RFX6: variants seen among roughly 807,000 people sequenced by gnomAD.
The protein encoded by RFX6 is DNA-binding protein RFX6.
A neutral mutation model predicts 110.8 loss-of-function variants in RFX6; 50 were observed. The ratio of observed to expected loss-of-function variants is 0.45; its 90% CI spans 0.36 to 0.57. RFX6 has a LOEUF of 0.57. RFX6 is among the 20% of genes least tolerant of loss of function. The pLI is 0.00. For missense variants in RFX6, 990 were observed against 1,127.0 expected (o/e 0.88, Z 1.74); for synonymous variants, 383 against 411.2 (o/e 0.93, Z 0.83).
intron 7 of RFX6, among the ~76,000 whole-genome samples, chr6:116,911,618 G>T (rs950681925): frequency 6.6e-6 from 1 of 152,110 alleles, no homozygotes; most frequent in Middle Eastern, 3.2e-3. Context: ...ATGTAATAGC[G>T]TGTAAACTAT....
chr6:116,882,910 A>G (rs1004738194), intron 4 of RFX6, among the ~76,000 whole-genome samples: 5 of 152,112 alleles, frequency 3.3e-5, no homozygotes, highest in Non-Finnish European at 5.9e-5. Context: ...TCTTAAGGTA[A>G]ATATAAACAT....
intron 17 of RFX6, among the ~76,000 whole-genome samples, chr6:116,927,890 G>C (rs987836533): frequency 3.3e-5 from 5 of 151,468 alleles, no homozygotes; most frequent in Non-Finnish European, 7.4e-5. Context: ...CTACAGGCAT[G>C]CATCACCATC....
At chr6:116,920,009 T>C (rs1775556958) in intron 11 of RFX6, among the ~76,000 whole-genome samples, 1 of 152,182 alleles carries the variant, frequency 6.6e-6, no homozygotes, top group South Asian at 2.1e-4. Context: ...CTATTTTTTA[T>C]TATACTTTAA....
chr6:116,929,544 G>A lies in RFX6; in HGVS notation c.2611+573G>A, dbSNP rs11965548. Among the ~76,000 whole-genome samples the A allele has an allele frequency of 2.9e-3, 446 of 152,220 alleles. 3 individuals carry two copies. Among genetic ancestry groups the A allele is most frequent in the African/African-American group, 0.01 (426 of 41,540 alleles). On this transcript the variant is annotated intron_variant, in intron 18 of 18. Coordinates refer to ENST00000332958, the MANE Select transcript of RFX6 (RefSeq NM_173560.4). ...TCATGTAAGTAAAAATAAGAAAAACGTGTGCTTGCCGTGAAGCCTCCTGGA... is the reference window on the plus strand; with the variant it reads ...TCATGTAAGTAAAAATAAGAAAAACATGTGCTTGCCGTGAAGCCTCCTGGA...
intron 6 of RFX6, among the ~76,000 whole-genome samples, chr6:116,908,249 A>T (rs931632161): frequency 1.3e-5 from 2 of 152,002 alleles, no homozygotes; most frequent in African/African-American, 4.8e-5. Flanking sequence ...AGAACACGTG[A>T]TATTTGTCTT....
At chr6:116,895,101 C>A in intron 5 of RFX6, 79 bp from the exon 6 acceptor site, 1 of 769,800 alleles carries the variant, frequency 1.3e-6, no homozygotes, top group South Asian at 1.6e-5. Flanking sequence ...ATTACTGCTT[C>A]TTTAGGTTGT....
chr6:116,916,544 A>G (rs1408552670), intron 9 of RFX6, among the ~76,000 whole-genome samples: 2 of 152,120 alleles, frequency 1.3e-5, no homozygotes, highest in Non-Finnish European at 2.9e-5. Context: ...ACAGCTAATA[A>G]TGAGTCTATA....
intron 4 of RFX6, among the ~76,000 whole-genome samples, chr6:116,887,200 G>T (rs1264486602): frequency 2.0e-5 from 3 of 152,112 alleles, no homozygotes; most frequent in Admixed American, 2.0e-4. Context: ...GTTTTCAGTG[G>T]CAAGTTCAAC....
intron 3 of RFX6, among the ~76,000 whole-genome samples, 153 bp downstream of exon 3, chr6:116,880,820 CTA>C (rs951641567): frequency 3.3e-5 from 5 of 151,960 alleles, no homozygotes; most frequent in Non-Finnish European, 5.9e-5. Context: ...TTTGGAATTG[CTA>C]TATGTTTATA....
rs1774623095 is a variant in RFX6 at position 116,883,006 on chromosome 6, G to GT, written c.566+581dup. On this transcript the variant is annotated intron_variant, in intron 4 of 18. Transcript: ENST00000332958. Reference sequence around the variant, plus strand: ...AGTCTCTGGAGAACTCCCAGGTACAGTTTCTCATTCAACAGCTATTTTCTA... The same window carrying GT: ...AGTCTCTGGAGAACTCCCAGGTACAGTTTTCTCATTCAACAGCTATTTTCTA... 6.6e-5 allele frequency among the ~76,000 whole-genome samples: 10 copies of GT among 152,246 alleles called. No individual in the cohort carries two copies. The South Asian group carries it at 2.1e-3, about 32-fold the overall frequency.
chr6:116,891,371 A>T (rs9481680), intron 4 of RFX6, among the ~76,000 whole-genome samples: 9,244 of 152,282 alleles, frequency 0.061, 910 homozygotes, highest in African/African-American at 0.21. Context: ...CGCTGAAAAG[A>T]GGATTAGAGT....
intron 10 of RFX6, 125 bp downstream of exon 10, chr6:116,918,211 C>A: frequency 2.6e-6 from 2 of 767,012 alleles, no homozygotes; most frequent in Non-Finnish European, 4.4e-6. Context: ...ACTTTTGTCC[C>A]TTTGTATTTG....
At chr6:116,889,883 A>G (rs1373943769) in intron 4 of RFX6, among the ~76,000 whole-genome samples, 1 of 152,092 alleles carries the variant, frequency 6.6e-6, no homozygotes, top group Non-Finnish European at 1.5e-5. Context: ...TTATTCATTC[A>G]TTTATCTAAT....
intron 4 of RFX6, among the ~76,000 whole-genome samples, chr6:116,885,344 G>A (rs527555181): frequency 5.9e-5 from 9 of 152,168 alleles, no homozygotes; most frequent in East Asian, 1.9e-4. Context: ...GCTTTCAACC[G>A]CACTATCCTT....
At chr6:116,900,655 T>G (rs1775048818) in intron 6 of RFX6, among the ~76,000 whole-genome samples, 1 of 152,008 alleles carries the variant, frequency 6.6e-6, no homozygotes, top group African/African-American at 2.4e-5. Context: ...ATAGGTAAAT[T>G]TCATAGTGAA....
In RFX6 at chr6:116,907,427, G is replaced by A. The variant is rs546345718; in HGVS notation, c.673-3508G>A. Reference sequence around the variant, plus strand: ...TCAATTCCTTGGAAAACTTTGAGATGTATTGATATTAGTTCCTCTTTAAAT... The same window carrying A: ...TCAATTCCTTGGAAAACTTTGAGATATATTGATATTAGTTCCTCTTTAAAT... On this transcript the variant is annotated intron_variant, in intron 6 of 18. Transcript: ENST00000332958. Among the ~76,000 whole-genome samples the A allele has an allele frequency of 7.8e-4, 119 of 152,186 alleles. 1 individual carries two copies. Among genetic ancestry groups the A allele is most frequent in the African/African-American group, 2.8e-3 (118 of 41,544 alleles).
At chr6:116,886,880 T>C (rs926733685) in intron 4 of RFX6, among the ~76,000 whole-genome samples, 1 of 152,044 alleles carries the variant, frequency 6.6e-6, no homozygotes, top group Non-Finnish European at 1.5e-5. Context: ...CTGGCTAACA[T>C]GGTGAAACCC....
At chr6:116,905,604 G>A (rs182416970) in intron 6 of RFX6, among the ~76,000 whole-genome samples, 1 of 150,102 alleles carries the variant, frequency 6.7e-6, no homozygotes, top group East Asian at 2.0e-4. Context: ...CCAGGCTGGA[G>A]TGCAGTGGTG....
At chr6:116,892,022 T>C (rs540763190) in intron 4 of RFX6, among the ~76,000 whole-genome samples, 3 of 152,340 alleles carry the variant, frequency 2.0e-5, no homozygotes, top group East Asian at 1.9e-4. Flanking sequence ...TTTACCAAAA[T>C]TGAGGACTTG....
Sources: allele counts gnomAD v4.1 joint callset (sites outside exome capture counted in the v4.1 genomes callset), GRCh38; gene constraint gnomAD v4.1.1; transcripts MANE v1.5; gene names NCBI Gene and HGNC (gene_info 2026-07-23, HGNC 2026-07-21).